The following RALYL variants were observed in gnomAD, a reference collection of about 807,000 sequenced individuals.
The protein encoded by RALYL is RNA-binding Raly-like protein.
In RALYL, 29 loss-of-function variants were observed where a neutral mutation model predicts 35.1. The observed-to-expected ratio is 0.83, with a 90% CI of 0.61 to 1.13. The LOEUF is 1.13. Among genes scored for constraint, RALYL ranks in the 50% most tolerant of loss-of-function variants. The probability of loss-of-function intolerance (pLI) is 0.00; values close to 1 mark genes in which losing one functional copy is unlikely to be tolerated. For missense variants in RALYL, 359 were observed against 360.4 expected (o/e 1.00, Z 0.03); for synonymous variants, 120 against 127.6 (o/e 0.94, Z 0.40).
rs576213576 is a variant in RALYL, at chr8:84,366,295, T to A, written c.-23-163004T>A. Among the ~76,000 whole-genome samples the A allele has an allele frequency of 2.1e-4, 32 of 152,308 alleles. No individual in the cohort carries two copies. In the South Asian group the frequency reaches 4.6e-3, roughly 22 times the overall value. ...CCTAAGAGGGCAAATTATTCAACCTTTCTAGATATCAGTTTTTAAATGTGC... is the reference window on the plus strand; with the variant it reads ...CCTAAGAGGGCAAATTATTCAACCTATCTAGATATCAGTTTTTAAATGTGC... On this transcript the variant is annotated intron_variant, in intron 1 of 8. Coordinates refer to ENST00000521268, the MANE Select transcript of RALYL (RefSeq NM_173848.7).
At chr8:84,881,874 T>C (rs1252398080) in intron 7 of RALYL, among the ~76,000 whole-genome samples, 1 of 151,924 alleles carries the variant, frequency 6.6e-6, no homozygotes, top group East Asian at 1.9e-4. Flanking sequence ...AATTAGGCCT[T>C]CTTTTTTTAG....
chr8:84,891,642 C>A (rs1247180184), intron 8 of RALYL, among the ~76,000 whole-genome samples: 1 of 152,152 alleles, frequency 6.6e-6, no homozygotes, highest in Non-Finnish European at 1.5e-5. Context: ...TCTATTATAT[C>A]ATTTTGTTTC....
intron 2 of RALYL, among the ~76,000 whole-genome samples, chr8:84,737,607 A>G (rs969847268): frequency 9.2e-5 from 14 of 152,032 alleles, no homozygotes; most frequent in Admixed American, 7.9e-4. Context: ...TCATGTTTTC[A>G]TTTAAAAATA....
intron 2 of RALYL, among the ~76,000 whole-genome samples, chr8:84,530,275 T>A (rs1672930495): frequency 6.6e-6 from 1 of 151,986 alleles, no homozygotes; most frequent in Admixed American, 6.6e-5. Flanking sequence ...AGGAAAAAAA[T>A]ATGGTTAATA....
intron 1 of RALYL, among the ~76,000 whole-genome samples, chr8:84,321,970 AC>A: frequency 1.3e-5 from 2 of 152,202 alleles, no homozygotes; most frequent in Non-Finnish European, 2.9e-5. Flanking sequence ...CTCCAAGAAG[AC>A]CCAAAAACCC....
intron 1 of RALYL, among the ~76,000 whole-genome samples, chr8:84,456,913 T>C (rs796328305): frequency 4.5e-4 from 68 of 152,088 alleles, no homozygotes; most frequent in African/African-American, 1.4e-3. Flanking sequence ...TTGCCCTCCT[T>C]GGATACTCAA....
At chr8:84,592,030 G>T (rs1385948004) in intron 2 of RALYL, among the ~76,000 whole-genome samples, 1 of 151,922 alleles carries the variant, frequency 6.6e-6, no homozygotes, top group Admixed American at 6.6e-5. Flanking sequence ...GTTTCTATGT[G>T]CCCCACACAT....
chr8:84,296,260 A>G (rs1353072786), intron 1 of RALYL, among the ~76,000 whole-genome samples: 1 of 152,140 alleles, frequency 6.6e-6, no homozygotes, highest in Admixed American at 6.6e-5. Context: ...GGCATCTGCT[A>G]CTGGCTGAAT....
chr8:84,550,213 C>A (rs573035512), intron 2 of RALYL, among the ~76,000 whole-genome samples: 17 of 152,184 alleles, frequency 1.1e-4, no homozygotes, highest in Admixed American at 6.6e-4. Flanking sequence ...CTCTCTCTCT[C>A]TATCCTTCTC....
At chr8:84,187,430 T>C (rs920790018) in intron 1 of RALYL, among the ~76,000 whole-genome samples, 2 of 152,124 alleles carry the variant, frequency 1.3e-5, no homozygotes, top group African/African-American at 2.4e-5. Flanking sequence ...TTATTTTTTA[T>C]GGTCATAATC....
At chr8:84,767,519 T>G (rs1814403306) in intron 2 of RALYL, among the ~76,000 whole-genome samples, 1 of 152,178 alleles carries the variant, frequency 6.6e-6, no homozygotes, top group Non-Finnish European at 1.5e-5. Flanking sequence ...CTTGAAATAT[T>G]GAAACTTCAG....
At chr8:84,791,191 G>T (rs1282251537) in intron 3 of RALYL, among the ~76,000 whole-genome samples, 1 of 152,174 alleles carries the variant, frequency 6.6e-6, no homozygotes, top group African/African-American at 2.4e-5. Flanking sequence ...CTCAATGAAG[G>T]CTCAGCTGAG....
intron 1 of RALYL, among the ~76,000 whole-genome samples, chr8:84,452,233 C>CCT (rs1554673310): frequency 3.5e-5 from 5 of 144,268 alleles, no homozygotes; most frequent in Middle Eastern, 3.7e-3. Context: ...GTTGATACTA[C>CCT]TTTTTTTTTT....
rs2060500522 is a variant in RALYL at position 84,548,373 on chromosome 8, G to C, written c.256+18796G>C. On this transcript the variant is annotated intron_variant, in intron 2 of 8. Transcript: ENST00000521268. ...CTTTTTCTCCACTCATGTCATTGTAGGGACTTTCTTATTCTAATTGCTATA... is the reference window on the plus strand; with the variant it reads ...CTTTTTCTCCACTCATGTCATTGTACGGACTTTCTTATTCTAATTGCTATA... 2.0e-5 allele frequency among the ~76,000 whole-genome samples: 3 copies of C among 151,900 alleles called. No homozygotes were observed. The South Asian group carries it at 6.2e-4, about 32-fold the overall frequency.
At chr8:84,476,636 T>C (rs902206408) in intron 1 of RALYL, among the ~76,000 whole-genome samples, 1 of 152,182 alleles carries the variant, frequency 6.6e-6, no homozygotes, top group Non-Finnish European at 1.5e-5. Flanking sequence ...AATATTAGTA[T>C]ATTTATTCCC....
chr8:84,215,980 TCTC>T (rs1820710924), intron 1 of RALYL, among the ~76,000 whole-genome samples: 1 of 152,126 alleles, frequency 6.6e-6, no homozygotes, highest in African/African-American at 2.4e-5. Flanking sequence ...AATATAATAT[TCTC>T]AAAATTTATA....
At chr8:84,303,245 G>C (rs533106113) in intron 1 of RALYL, among the ~76,000 whole-genome samples, 17 of 152,290 alleles carry the variant, frequency 1.1e-4, no homozygotes, top group African/African-American at 4.1e-4. Flanking sequence ...ATAATGTGTA[G>C]TTGTTATTGA....
intron 2 of RALYL, among the ~76,000 whole-genome samples, chr8:84,710,322 A>G (rs746387462): frequency 5.9e-5 from 9 of 151,996 alleles, no homozygotes; most frequent in Non-Finnish European, 1.0e-4. Flanking sequence ...GTTTTGAGAC[A>G]GAGCCTCACT....
chr8:84,486,527 T>C (rs1323220265), intron 1 of RALYL, among the ~76,000 whole-genome samples: 2 of 151,888 alleles, frequency 1.3e-5, no homozygotes, highest in Admixed American at 6.6e-5. Flanking sequence ...TAAACAGATA[T>C]GTTGATCTGT....
Sources: gnomAD v4.1 joint callset for allele counts (sites outside exome capture counted in the v4.1 genomes callset) on GRCh38, gnomAD v4.1.1 for gene constraint, MANE v1.5 for transcripts, NCBI Gene and HGNC (gene_info 2026-07-23, HGNC 2026-07-21) for gene names.